RAP1GDS1: variants seen among roughly 807,000 people sequenced by gnomAD.
RAP1GDS1 encodes the protein Rap1 GTPase-GDP dissociation stimulator 1.
Under a neutral mutation model 71.1 loss-of-function variants are expected in RAP1GDS1, and 35 were observed. The observed-to-expected ratio is 0.49, with a 90% CI of 0.38 to 0.65. The LOEUF is 0.65. Ranked by LOEUF, RAP1GDS1 falls within the 30% of genes least tolerant of loss-of-function variation. The pLI is 0.00. For missense variants in RAP1GDS1, 663 were observed against 706.1 expected, an observed-to-expected ratio of 0.94 and a Z score of 0.69; for synonymous variants, 229 against 243.1, an observed-to-expected ratio of 0.94 and a Z score of 0.54.
intron 1 of RAP1GDS1, among the ~76,000 whole-genome samples, chr4:98,275,560 A>G (rs1206901543): frequency 6.6e-6 from 1 of 152,176 alleles, no homozygotes; most frequent in African/African-American, 2.4e-5. Context: ...AGTAAAAGCC[A>G]TTATTTTTGC....
chr4:98,401,950 A>G (rs1220055001), intron 6 of RAP1GDS1, among the ~76,000 whole-genome samples: 1 of 152,204 alleles, frequency 6.6e-6, no homozygotes, highest in Non-Finnish European at 1.5e-5. Flanking sequence ...TAGATGAATG[A>G]TGATGTCTAT....
chr4:98,292,744 A>G (rs1168745856), intron 1 of RAP1GDS1, among the ~76,000 whole-genome samples: 1 of 152,196 alleles, frequency 6.6e-6, no homozygotes, highest in African/African-American at 2.4e-5. Context: ...TTAAATGTCT[A>G]TAGCAATAAT....
intron 1 of RAP1GDS1, among the ~76,000 whole-genome samples, chr4:98,268,860 T>C (rs550608690): frequency 8.5e-5 from 13 of 152,274 alleles, no homozygotes; most frequent in Non-Finnish European, 1.8e-4. Context: ...AGAATTAATA[T>C]TGTTACAATG....
rs1030652896 is a variant in RAP1GDS1, at chr4:98,261,689, G to A, written c.4+120G>A. 15 of 1,305,250 alleles carry A rather than the reference G, an allele frequency of 1.1e-5. No individual in the cohort carries two copies. The Admixed American group carries it at 1.5e-4, about 13-fold the overall frequency. 80.9% of individuals were successfully genotyped at this position (1,305,250 alleles called of 1,614,324 possible). On this transcript the variant is annotated intron_variant, in intron 1 of 14. Transcript: ENST00000408927. ...TTTCTCCAGTCCCCGGGTGTGAGAC[G>A]GTGGCTGTTCCTCCGGGGAGAGTCG...
intron 2 of RAP1GDS1, among the ~76,000 whole-genome samples, chr4:98,328,673 T>A (rs964087618): frequency 1.3e-5 from 2 of 152,162 alleles, no homozygotes; most frequent in South Asian, 4.1e-4. Flanking sequence ...CTCTGTATAG[T>A]CATCGTGATT....
chr4:98,261,538 C>G lies in RAP1GDS1; in HGVS notation c.-28C>G, dbSNP rs774440173. On this transcript the variant is annotated 5_prime_UTR_variant, in exon 1 of 15. Transcript: ENST00000408927. ...CGCACCACAGACCTTCGCCTCGCCC[C>G]GCCGGTTCCTCACCCTCGGGGAGCA... The G allele has an allele frequency of 1.9e-6, 3 of 1,598,218 alleles. No homozygotes were observed. The African/African-American group carries it at 4.0e-5, about 22-fold the overall frequency.
chr4:98,291,634 G>A (rs1344602786), intron 1 of RAP1GDS1, among the ~76,000 whole-genome samples: 1 of 152,120 alleles, frequency 6.6e-6, no homozygotes, highest in South Asian at 2.1e-4. Context: ...AAAGTCTAGA[G>A]TTAAGGCCTC....
intron 1 of RAP1GDS1, among the ~76,000 whole-genome samples, chr4:98,288,695 T>C (rs1214244731): frequency 6.6e-6 from 1 of 152,192 alleles, no homozygotes; most frequent in African/African-American, 2.4e-5. Flanking sequence ...GAGCACCTGT[T>C]GTTTCCTGAC....
chr4:98,420,354 ATTTATTTATTTG>A lies in RAP1GDS1; in HGVS notation c.1300+222_1300+233del, dbSNP rs1270454416. ...ATACATATTATTTATTTATTTATTT[ATTTATTTATTTG>A]TTTATTTATTTATTTTTGAGACAGA... is the stretch of plus-strand genomic sequence containing the variant. On this transcript the variant is annotated intron_variant, in intron 11 of 14. Coordinates refer to ENST00000408927, the MANE Select transcript of RAP1GDS1 (RefSeq NM_001100427.2). Among the ~76,000 whole-genome samples the A allele has an allele frequency of 2.4e-3, 361 of 147,416 alleles. 1 individual carries two copies. Among genetic ancestry groups the A allele is most frequent in the African/African-American group, 8.3e-3 (336 of 40,352 alleles).
intron 11 of RAP1GDS1, 57 bp downstream of exon 11, chr4:98,420,201 C>G: frequency 7.4e-7 from 1 of 1,350,202 alleles, no homozygotes; most frequent in Non-Finnish European, 9.7e-7. Flanking sequence ...TAATGTGCCT[C>G]TAGTTGAAAA....
At chr4:98,323,334 A>C (rs1732312964) in intron 2 of RAP1GDS1, among the ~76,000 whole-genome samples, 1 of 143,992 alleles carries the variant, frequency 6.9e-6, no homozygotes, top group African/African-American at 2.8e-5. Flanking sequence ...GCCGAATTCT[A>C]CCAGAGGTAC....
At chr4:98,424,071 T>C (rs1749269765) in intron 12 of RAP1GDS1, among the ~76,000 whole-genome samples, 1 of 152,130 alleles carries the variant, frequency 6.6e-6, no homozygotes, top group African/African-American at 2.4e-5. Flanking sequence ...ATATGGGTGG[T>C]AGAATTGACA....
intron 1 of RAP1GDS1, among the ~76,000 whole-genome samples, chr4:98,279,539 A>T (rs1270688700): frequency 6.6e-6 from 1 of 151,920 alleles, no homozygotes; most frequent in Admixed American, 6.6e-5. Flanking sequence ...TTTGAGATGC[A>T]AATTATTTAT....
At chr4:98,420,297 T>G (rs1437385472) in intron 11 of RAP1GDS1, among the ~76,000 whole-genome samples, 153 bp downstream of exon 11, 1 of 151,538 alleles carries the variant, frequency 6.6e-6, no homozygotes, top group Non-Finnish European at 1.5e-5. Context: ...ACTCCATTTG[T>G]TAATTTTTAT....
At chr4:98,289,484 G>A (rs1726571629) in intron 1 of RAP1GDS1, among the ~76,000 whole-genome samples, 2 of 141,276 alleles carry the variant, frequency 1.4e-5, no homozygotes, top group South Asian at 4.5e-4. Flanking sequence ...TGTTGTGTGA[G>A]AAAGTAATGG....
chr4:98,418,174 T>C (rs1748288418), intron 9 of RAP1GDS1, among the ~76,000 whole-genome samples: 1 of 152,178 alleles, frequency 6.6e-6, no homozygotes, highest in Non-Finnish European at 1.5e-5. Context: ...TTCCTAATTA[T>C]GGAGGTAAGA....
chr4:98,304,356 C>G (rs1248509239), intron 2 of RAP1GDS1, among the ~76,000 whole-genome samples: 1 of 152,174 alleles, frequency 6.6e-6, no homozygotes. Flanking sequence ...TTGCCAGCAT[C>G]TGTTGTTCCT....
intron 4 of RAP1GDS1, among the ~76,000 whole-genome samples, chr4:98,356,564 G>A (rs911211741): frequency 3.9e-5 from 6 of 152,074 alleles, no homozygotes; most frequent in South Asian, 2.1e-4. Flanking sequence ...AAATGATTAC[G>A]TGAAATTAAA....
chr4:98,410,385 C>T (rs1746867268), intron 7 of RAP1GDS1, among the ~76,000 whole-genome samples: 1 of 152,098 alleles, frequency 6.6e-6, no homozygotes. Context: ...CCACTATACA[C>T]CCACTGGAAA....
Sources: gnomAD v4.1 joint callset for allele counts (sites outside exome capture counted in the v4.1 genomes callset) on GRCh38, gnomAD v4.1.1 for gene constraint, MANE v1.5 for transcripts, NCBI Gene and HGNC (gene_info 2026-07-23, HGNC 2026-07-21) for gene names.